Variants in NME7 observed in about 807,000 individuals in gnomAD.
NME7 encodes the protein nucleoside diphosphate kinase 7.
NME7 carries 41 observed loss-of-function variants against 49.1 expected under a neutral mutation model. That is an observed-to-expected ratio of 0.83 (90% CI 0.65 to 1.08). NME7 has a LOEUF of 1.08. NME7 is among the 50% of genes least tolerant of loss of function. NME7 has a pLI of 0.00. For synonymous variants in NME7, 139 were observed against 150.6 expected (o/e 0.92, Z 0.56); for missense variants, 423 against 463.4 (o/e 0.91, Z 0.80).
At chr1:169,351,057 C>G (rs549571529) in intron 1 of NME7, among the ~76,000 whole-genome samples, 1 of 151,974 alleles carries the variant, frequency 6.6e-6, no homozygotes, top group Admixed American at 6.6e-5. Flanking sequence ...GGGACCAATA[C>G]ACACCCACAC....
At chr1:169,315,002 T>C (rs939175851) in intron 3 of NME7, among the ~76,000 whole-genome samples, 2 of 152,042 alleles carry the variant, frequency 1.3e-5, no homozygotes, top group Admixed American at 6.6e-5. Flanking sequence ...CAAGAAGATA[T>C]AACAATTTAA....
chr1:169,343,300 T>A (rs1377674265), intron 1 of NME7, among the ~76,000 whole-genome samples: 1 of 152,028 alleles, frequency 6.6e-6, no homozygotes, highest in Non-Finnish European at 1.5e-5. Context: ...TGGTGTGAGA[T>A]TAGTCGAAAT....
chr1:169,245,383 AAAG>A (rs763658963), intron 7 of NME7, among the ~76,000 whole-genome samples: 4 of 152,240 alleles, frequency 2.6e-5, no homozygotes, highest in Admixed American at 6.5e-5. Flanking sequence ...ACTGAAATTT[AAAG>A]AAGCGACCAG....
chr1:169,144,376 A>T (rs1658691916), intron 11 of NME7, among the ~76,000 whole-genome samples: 1 of 152,190 alleles, frequency 6.6e-6, no homozygotes, highest in Admixed American at 6.5e-5. Flanking sequence ...TATACAACAT[A>T]CACACTATTT....
At chr1:169,220,397 T>G (rs1051913775) in intron 10 of NME7, among the ~76,000 whole-genome samples, 4 of 152,192 alleles carry the variant, frequency 2.6e-5, no homozygotes, top group Non-Finnish European at 1.5e-5. Context: ...ATCCCACTTT[T>G]CCTGGGATTG....
At chr1:169,174,437 T>C (rs1296392682) in intron 10 of NME7, among the ~76,000 whole-genome samples, 1 of 152,158 alleles carries the variant, frequency 6.6e-6, no homozygotes, top group Non-Finnish European at 1.5e-5. Flanking sequence ...AGAAAAAGAT[T>C]TATGAAATTT....
At chr1:169,271,773 AAAT>A (rs1649500747) in intron 7 of NME7, among the ~76,000 whole-genome samples, 1 of 133,052 alleles carries the variant, frequency 7.5e-6, no homozygotes, top group Non-Finnish European at 1.8e-5. Context: ...TTAAAAATAA[AAAT>A]AAAAATCTTT....
rs1649483385 is a variant in NME7, at chr1:169,271,291, A to G, written c.754+16012T>C. Among the ~76,000 whole-genome samples the G allele has an allele frequency of 1.5e-5, 2 of 133,626 alleles. 1 individual carries two copies. Among genetic ancestry groups the G allele is most frequent in the African/African-American group, 5.1e-5 (2 of 39,514 alleles). 87.7% of individuals were successfully genotyped at this position (133,626 alleles called of 152,430 possible). A position where few individuals can be genotyped will look rare whatever the true frequency, so the allele number is the denominator to read the frequency against. ...GCCCAGAAAGATAAGGCAGTAAATC[A>G]GTAAATAACTTCACTGTTGGCTTCA... is the stretch of plus-strand genomic sequence containing the variant. On this transcript the variant is annotated intron_variant, in intron 7 of 11. Coordinates refer to ENST00000367811, the MANE Select transcript of NME7 (RefSeq NM_013330.5).
intron 7 of NME7, among the ~76,000 whole-genome samples, chr1:169,256,668 T>C (rs1157583805): frequency 1.7e-5 from 2 of 121,198 alleles, no homozygotes; most frequent in African/African-American, 2.7e-5. Flanking sequence ...AGTTTTTCTG[T>C]TCTGTTTTTT....
intron 7 of NME7, among the ~76,000 whole-genome samples, chr1:169,279,899 T>C (rs554363368): frequency 1.3e-5 from 2 of 152,330 alleles, no homozygotes; most frequent in Non-Finnish European, 1.5e-5. Flanking sequence ...GTCTGTGCTA[T>C]TGTGAATAGT....
At chr1:169,253,001 T>C (rs560917494) in intron 7 of NME7, among the ~76,000 whole-genome samples, 2,217 of 148,752 alleles carry the variant, frequency 0.015, 38 homozygotes, top group African/African-American at 0.053. Context: ...AGTGTGATGC[T>C]TCCAGCTTTG....
At position 169,342,515 on chromosome 1, in the gene NME7, A is replaced by AG. The variant is rs1382290210; in HGVS notation, c.4-18016_4-18015insC. Among the ~76,000 whole-genome samples, 167 of 109,320 alleles carry AG rather than the reference A, an allele frequency of 1.5e-3. 7 individuals carry two copies. Among genetic ancestry groups the AG allele is most frequent in the African/African-American group, 4.9e-3 (159 of 32,684 alleles). The allele number at this position is 109,320 out of a possible 152,430, so 71.7% of individuals were successfully genotyped here. ...TATATATATACAAGTACATATATATATAGTATATATATACAAGTACATATA... is the reference window on the plus strand; with the variant it reads ...TATATATATACAAGTACATATATATAGTAGTATATATATACAAGTACATATA... On this transcript the variant is annotated intron_variant, in intron 1 of 11. Transcript: ENST00000367811.
In NME7 at chr1:169,270,973, G is replaced by C. The variant is rs916491532; in HGVS notation, c.754+16330C>G. Reference sequence around the variant, plus strand: ...ATACTGAGAACATAATAAACACATTGCATAATTTTTAAAGTAAAAAGAACA... The same window carrying C: ...ATACTGAGAACATAATAAACACATTCCATAATTTTTAAAGTAAAAAGAACA... On this transcript the variant is annotated intron_variant, in intron 7 of 11. Transcript: ENST00000367811. Among the ~76,000 whole-genome samples the C allele has an allele frequency of 9.0e-5, 12 of 133,584 alleles. 1 individual carries two copies. The East Asian group carries it at 2.2e-3, about 24-fold the overall frequency. 87.6% of individuals were successfully genotyped at this position (133,584 alleles called of 152,430 possible). A position where few individuals can be genotyped will look rare whatever the true frequency, so the allele number is the denominator to read the frequency against.
chr1:169,286,584 C>T (rs541322900), intron 7 of NME7: 24 of 152,124 alleles, frequency 1.6e-4, no homozygotes, highest in Admixed American at 1.5e-3. Context: ...TATATACATA[C>T]ATATGTCAAA....
At chr1:169,295,096 C>T (rs1026923635) in intron 6 of NME7, among the ~76,000 whole-genome samples, 9 of 152,148 alleles carry the variant, frequency 5.9e-5, no homozygotes, top group Admixed American at 4.6e-4. Context: ...TACCTTCCAC[C>T]TCAGGCAGTG....
At chr1:169,301,150 A>G (rs1447562306) in intron 5 of NME7, among the ~76,000 whole-genome samples, 1 of 152,178 alleles carries the variant, frequency 6.6e-6, no homozygotes, top group African/African-American at 2.4e-5. Flanking sequence ...CAATCCACAG[A>G]ATGAGAGAAA....
At chr1:169,208,487 A>C (rs1660731344) in intron 10 of NME7, among the ~76,000 whole-genome samples, 1 of 152,164 alleles carries the variant, frequency 6.6e-6, no homozygotes, top group African/African-American at 2.4e-5. Context: ...AAGTAAGTTT[A>C]ACAGTGAAAA....
chr1:169,202,115 C>T (rs1660566875), intron 10 of NME7, among the ~76,000 whole-genome samples: 1 of 152,172 alleles, frequency 6.6e-6, no homozygotes, highest in African/African-American at 2.4e-5. Flanking sequence ...ATGTGTTTTA[C>T]ATGTATAGTT....
intron 10 of NME7, among the ~76,000 whole-genome samples, chr1:169,213,338 C>T (rs1272393649): frequency 6.6e-6 from 1 of 151,102 alleles, no homozygotes; most frequent in Non-Finnish European, 1.5e-5. Flanking sequence ...AACTTAACTA[C>T]TGTAAATAAT....
Sources: allele counts gnomAD v4.1 joint callset (sites outside exome capture counted in the v4.1 genomes callset), GRCh38; gene constraint gnomAD v4.1.1; transcripts MANE v1.5; gene names NCBI Gene and HGNC (gene_info 2026-07-23, HGNC 2026-07-21).